NELL1: variants seen among roughly 807,000 people sequenced by gnomAD.
NELL1 encodes protein kinase C-binding protein NELL1.
Under a neutral mutation model 107.4 loss-of-function variants are expected in NELL1, and 76 were observed. The observed-to-expected ratio is 0.71, with a 90% CI of 0.59 to 0.86. The LOEUF is 0.86. NELL1 is among the 40% of genes least tolerant of loss of function. The pLI is 0.00. For missense variants in NELL1, 1,024 were observed against 1,005.5 expected (o/e 1.02, Z -0.25); for synonymous variants, 353 against 341.2 (o/e 1.03, Z -0.38).
At chr11:21,112,201 G>T (rs548109851) in intron 12 of NELL1, among the ~76,000 whole-genome samples, 1 of 151,498 alleles carries the variant, frequency 6.6e-6, no homozygotes, top group South Asian at 2.1e-4. Flanking sequence ...GCTAACTGTG[G>T]GTCTCCTTCT....
chr11:20,818,891 G>T (rs1401713656), intron 3 of NELL1, among the ~76,000 whole-genome samples: 2 of 152,188 alleles, frequency 1.3e-5, no homozygotes, highest in Non-Finnish European at 2.9e-5. Context: ...CCTGTGCTAG[G>T]TACTTCAAAT....
chr11:20,770,476 G>A (rs1220607416), intron 2 of NELL1, among the ~76,000 whole-genome samples: 1 of 152,170 alleles, frequency 6.6e-6, no homozygotes, highest in Non-Finnish European at 1.5e-5. Context: ...TTCCTGTCCG[G>A]AAAGCCTCAC....
At chr11:21,404,005 A>ACGC (rs756502564) in intron 15 of NELL1, among the ~76,000 whole-genome samples, 2 of 50,904 alleles carry the variant, frequency 3.9e-5, no homozygotes, top group Non-Finnish European at 3.6e-5. Flanking sequence ...TCATTCCTGA[A>ACGC]CCCCCCCCCC....
chr11:21,262,537 C>T (rs1848554950), intron 14 of NELL1: 2 of 151,886 alleles, frequency 1.3e-5, no homozygotes, highest in South Asian at 4.1e-4. Context: ...AATAATTATA[C>T]CTTCACTCTT....
At chr11:21,208,449 T>C (rs1044295789) in intron 13 of NELL1, among the ~76,000 whole-genome samples, 1 of 150,040 alleles carries the variant, frequency 6.7e-6, no homozygotes, top group African/African-American at 2.4e-5. Flanking sequence ...ATGTCATATT[T>C]AATACATAAT....
chr11:21,233,385 C>G (rs1220720040), intron 14 of NELL1, among the ~76,000 whole-genome samples: 1 of 152,118 alleles, frequency 6.6e-6, no homozygotes, highest in African/African-American at 2.4e-5. Flanking sequence ...TTTTTTCCCT[C>G]CCTTTCCTCC....
At chr11:20,797,183 T>G (rs1280926028) in intron 3 of NELL1, among the ~76,000 whole-genome samples, 2 of 152,134 alleles carry the variant, frequency 1.3e-5, no homozygotes, top group South Asian at 4.1e-4. Context: ...ACAGGCTTGG[T>G]GGCATGATTA....
At chr11:20,786,358 AAAAG>A (rs1268583811) in intron 3 of NELL1, among the ~76,000 whole-genome samples, 3 of 151,820 alleles carry the variant, frequency 2.0e-5, no homozygotes, top group Non-Finnish European at 4.4e-5. Flanking sequence ...CTCAAAAAAA[AAAAG>A]AAAAAAAAAG....
At chr11:21,218,508 T>C (rs772216993) in intron 13 of NELL1, among the ~76,000 whole-genome samples, 37 of 152,156 alleles carry the variant, frequency 2.4e-4, no homozygotes, top group Admixed American at 3.3e-4. Flanking sequence ...CAAAATTCTA[T>C]TTTCCAGTAT....
At chr11:20,729,340 T>C (rs894311283) in intron 2 of NELL1, among the ~76,000 whole-genome samples, 10 of 152,202 alleles carry the variant, frequency 6.6e-5, no homozygotes, top group African/African-American at 1.9e-4. Flanking sequence ...CTTCCAATAC[T>C]ATGTTGAACA....
At chr11:20,976,894 C>T (rs889614762) in intron 12 of NELL1, among the ~76,000 whole-genome samples, 3 of 151,662 alleles carry the variant, frequency 2.0e-5, no homozygotes, top group Non-Finnish European at 4.4e-5. Context: ...TTTTCTTTAA[C>T]GCAAACTCCT....
chr11:21,260,851 T>G (rs1384555266), intron 14 of NELL1: 1 of 151,904 alleles, frequency 6.6e-6, no homozygotes, highest in Non-Finnish European at 1.5e-5. Context: ...TTAAATATTT[T>G]TTTTTGGTAA....
intron 4 of NELL1, among the ~76,000 whole-genome samples, chr11:20,874,193 G>A (rs1326980392): frequency 1.1e-4 from 16 of 152,202 alleles, no homozygotes; most frequent in African/African-American, 3.1e-4. Context: ...TCAGACTCCC[G>A]AGTAGCTGGG....
chr11:21,307,937 A>G (rs1403371132), intron 14 of NELL1, among the ~76,000 whole-genome samples: 2 of 152,010 alleles, frequency 1.3e-5, no homozygotes, highest in Non-Finnish European at 2.9e-5. Flanking sequence ...TGCACCTCAG[A>G]AAGATTTAGG....
chr11:21,469,705 C>T (rs374986427), intron 15 of NELL1, among the ~76,000 whole-genome samples: 19 of 151,918 alleles, frequency 1.3e-4, no homozygotes, highest in African/African-American at 4.4e-4. Context: ...GCTCAAAGTC[C>T]AGGAAAAGGT....
At chr11:21,145,114 A>G (rs759235634) in intron 13 of NELL1, among the ~76,000 whole-genome samples, 12 of 152,148 alleles carry the variant, frequency 7.9e-5, no homozygotes, top group Admixed American at 3.3e-4. Flanking sequence ...ATATAGCTAT[A>G]TGTGTTGTTT....
chr11:20,676,564 T>C (rs1429562228), intron 1 of NELL1, among the ~76,000 whole-genome samples: 2 of 152,216 alleles, frequency 1.3e-5, no homozygotes, highest in African/African-American at 4.8e-5. Flanking sequence ...AGACATTTTG[T>C]CTGCCTTGGC....
chr11:21,554,622 C>A (rs917122811), intron 16 of NELL1, among the ~76,000 whole-genome samples: 97 of 151,738 alleles, frequency 6.4e-4, no homozygotes, highest in Non-Finnish European at 5.9e-5. Flanking sequence ...ACAATAGGAA[C>A]AAGACCAACA....
intron 17 of NELL1, among the ~76,000 whole-genome samples, chr11:21,567,790 T>C (rs903157141): frequency 6.6e-6 from 1 of 151,790 alleles, no homozygotes; most frequent in African/African-American, 2.4e-5. Flanking sequence ...CGGTGAGCTA[T>C]AGTAAATGAC....
Sources: allele counts gnomAD v4.1 joint callset (sites outside exome capture counted in the v4.1 genomes callset), GRCh38; gene constraint gnomAD v4.1.1; transcripts MANE v1.5; gene names NCBI Gene and HGNC (gene_info 2026-07-23, HGNC 2026-07-21).